The following PCLO variants were observed in gnomAD, a reference collection of about 807,000 sequenced individuals.
The protein encoded by PCLO is protein piccolo.
Under a neutral mutation model 427.5 loss-of-function variants are expected in PCLO, and 82 were observed. The observed-to-expected ratio is 0.19, with a 90% CI of 0.16 to 0.23. The LOEUF is 0.23. PCLO is among the 10% of genes least tolerant of loss of function. The pLI, the probability that PCLO is intolerant of heterozygous loss-of-function variation, is 1.00. For missense variants in PCLO, 6,239 were observed against 6,115.9 expected, an observed-to-expected ratio of 1.02 and a Z score of -0.67; for synonymous variants, 2,357 against 2,155.4, an observed-to-expected ratio of 1.09 and a Z score of -2.59.
chr7:83,033,461 C>T (rs559462623), intron 3 of PCLO, among the ~76,000 whole-genome samples: 3 of 152,222 alleles, frequency 2.0e-5, no homozygotes, highest in East Asian at 3.9e-4. Context: ...GTAGGACTAC[C>T]TAAATGGTCC....
intron 3 of PCLO, among the ~76,000 whole-genome samples, chr7:82,995,313 T>A (rs894605121): frequency 6.6e-6 from 1 of 151,828 alleles, no homozygotes; most frequent in East Asian, 1.9e-4. Flanking sequence ...AGCTGCACCA[T>A]AGAAACCAAG....
intron 3 of PCLO, among the ~76,000 whole-genome samples, chr7:83,107,684 C>T (rs997421195): frequency 4.0e-5 from 4 of 99,608 alleles, no homozygotes; most frequent in African/African-American, 1.6e-4. Flanking sequence ...TTAGTGTGCA[C>T]ATATATAGAG....
At chr7:82,821,906 T>C (rs1791801443) in intron 20 of PCLO, 1 of 985,610 alleles carries the variant, frequency 1.0e-6, no homozygotes, top group Non-Finnish European at 1.2e-6. Flanking sequence ...TACAATTTTT[T>C]GCACATGGAA....
At chr7:82,992,050 C>T (rs1179421427) in intron 3 of PCLO, among the ~76,000 whole-genome samples, 1 of 152,008 alleles carries the variant, frequency 6.6e-6, no homozygotes, top group African/African-American at 2.4e-5. Context: ...GATTTTGCAT[C>T]TTCATCTCAA....
intron 3 of PCLO, among the ~76,000 whole-genome samples, chr7:83,040,493 G>A (rs976749132): frequency 7.9e-5 from 12 of 152,144 alleles, no homozygotes; most frequent in Non-Finnish European, 5.9e-5. Context: ...TAATCTATTC[G>A]AATTTGAGCT....
At chr7:82,880,370 T>C (rs1348067252) in intron 9 of PCLO, 2 of 396,606 alleles carry the variant, frequency 5.0e-6, no homozygotes, top group South Asian at 1.9e-5. Flanking sequence ...AACAAACACA[T>C]ATTAATCATG....
intron 21 of PCLO, among the ~76,000 whole-genome samples, chr7:82,802,371 G>T (rs1791373036): frequency 6.6e-6 from 1 of 152,082 alleles, no homozygotes; most frequent in South Asian, 2.1e-4. Flanking sequence ...AGTAGCCTTA[G>T]AATTCAACCA....
chr7:83,084,774 T>A (rs542408579), intron 3 of PCLO, among the ~76,000 whole-genome samples: 1 of 152,294 alleles, frequency 6.6e-6, no homozygotes, highest in African/African-American at 2.4e-5. Flanking sequence ...TGATCAATTT[T>A]GCACGTATTC....
chr7:82,917,279 A>AT (rs1185123279), intron 6 of PCLO, among the ~76,000 whole-genome samples: 1 of 152,136 alleles, frequency 6.6e-6, no homozygotes, highest in Admixed American at 6.6e-5. Context: ...TGTCATTCCC[A>AT]TTTTTTAAAT....
intron 16 of PCLO, among the ~76,000 whole-genome samples, chr7:82,831,240 T>C (rs1008796007): frequency 3.9e-5 from 6 of 152,216 alleles, no homozygotes; most frequent in African/African-American, 1.4e-4. Context: ...AGTTGCATAG[T>C]TATTAACTGG....
chr7:83,031,733 T>C (rs1298159758), intron 3 of PCLO, among the ~76,000 whole-genome samples: 6 of 126,858 alleles, frequency 4.7e-5, no homozygotes, highest in Admixed American at 3.1e-4. Flanking sequence ...TCTCTCTCTC[T>C]CCCTCCCCCT....
chr7:83,032,426 C>G (rs1264342581), intron 3 of PCLO, among the ~76,000 whole-genome samples: 1 of 150,202 alleles, frequency 6.7e-6, no homozygotes, highest in Non-Finnish European at 1.5e-5. Context: ...CCCTTCCTTC[C>G]CTTCCTTCCC....
chr7:83,018,038 G>A (rs1440776311), intron 3 of PCLO: 4 of 151,880 alleles, frequency 2.6e-5, no homozygotes, highest in Admixed American at 6.6e-5. Flanking sequence ...AAAAGAATGG[G>A]AAGTTGTACT....
chr7:83,125,907 TA>T, intron 3 of PCLO, among the ~76,000 whole-genome samples: 1 of 148,338 alleles, frequency 6.7e-6, no homozygotes, highest in African/African-American at 2.5e-5. Context: ...TAAAAAAAAA[TA>T]AAAGACATAT....
At chr7:83,061,031 G>C (rs990703332) in intron 3 of PCLO, among the ~76,000 whole-genome samples, 3 of 152,084 alleles carry the variant, frequency 2.0e-5, no homozygotes, top group Non-Finnish European at 4.4e-5. Context: ...CAGATATATG[G>C]GTTGTGTATT....
At chr7:82,763,203 G>A (rs1433030289) in intron 22 of PCLO, among the ~76,000 whole-genome samples, 1 of 152,036 alleles carries the variant, frequency 6.6e-6, no homozygotes, top group Non-Finnish European at 1.5e-5. Context: ...CCCTGTAAGA[G>A]CATGTTGGTA....
intron 3 of PCLO, among the ~76,000 whole-genome samples, chr7:83,013,034 C>T (rs1788123202): frequency 6.6e-6 from 1 of 152,106 alleles, no homozygotes; most frequent in Non-Finnish European, 1.5e-5. Flanking sequence ...CACTGCACGC[C>T]TCCTTGCTCT....
intron 8 of PCLO, among the ~76,000 whole-genome samples, chr7:82,903,378 G>T (rs1229290497): frequency 6.6e-6 from 1 of 151,936 alleles, no homozygotes; most frequent in African/African-American, 2.4e-5. Flanking sequence ...TTGCATTATT[G>T]ATAGTGTTAT....
intron 9 of PCLO, among the ~76,000 whole-genome samples, chr7:82,882,881 G>T (rs1484050971): frequency 6.6e-6 from 1 of 151,978 alleles, no homozygotes; most frequent in Non-Finnish European, 1.5e-5. Flanking sequence ...CTAATTTTAT[G>T]TGTTTATTAA....
Sources: allele counts gnomAD v4.1 joint callset (sites outside exome capture counted in the v4.1 genomes callset), GRCh38; gene constraint gnomAD v4.1.1; transcripts MANE v1.5; gene names NCBI Gene and HGNC (gene_info 2026-07-23, HGNC 2026-07-21).